MAP3K7: variants seen among roughly 807,000 people sequenced by gnomAD.
MAP3K7 encodes the protein mitogen-activated protein kinase kinase kinase 7, also known as TGF-beta activated kinase 1.
In MAP3K7, 21 loss-of-function variants were observed where a neutral mutation model predicts 84.8. The ratio of observed to expected loss-of-function variants is 0.25; its 90% CI spans 0.18 to 0.36. MAP3K7 has a LOEUF of 0.36. Ranked by LOEUF, MAP3K7 falls within the 10% of genes least tolerant of loss-of-function variation. The pLI is 1.00. For missense variants in MAP3K7, 503 were observed against 747.7 expected (o/e 0.67, Z 3.82); for synonymous variants, 241 against 247.7 (o/e 0.97, Z 0.25).
chr6:90,518,517 C>A lies in MAP3K7; in HGVS notation c.1570G>T (p.Glu524Ter). The change falls in exon 16 of 17, where the codon GAA (glutamate) becomes TAA (stop). Residue 524 changes from glutamate to a stop codon, truncating the protein, a stop_gained. Coordinates refer to ENST00000369329, the MANE Select transcript of MAP3K7 (RefSeq NM_145331.3). LOFTEE classifies it high-confidence loss of function. The stretch of plus-strand genomic sequence containing the variant: ...TCTTGTGCCATTTTACAATGCTGTT[C>A]AAACACTGCCATAGATTCTTTGGAG... ...PNSKESMAVF[E>*]QHCKMAQEYM... 1 of 1,609,474 alleles carries A rather than the reference C, an allele frequency of 6.2e-7. No homozygotes were observed. Among genetic ancestry groups the A allele is most frequent in the South Asian group, 1.1e-5 (1 of 90,518 alleles).
intron 3 of MAP3K7, among the ~76,000 whole-genome samples, chr6:90,564,015 T>C (rs1218914025): frequency 6.6e-6 from 1 of 152,108 alleles, no homozygotes; most frequent in East Asian, 1.9e-4. Context: ...GACAAACAAA[T>C]GCTGACAGAT....
Position 90,547,364 on chromosome 6 carries a change from C to T in MAP3K7, c.1104G>A (p.Leu368=). The stretch of plus-strand genomic sequence containing the variant: ...CCACACTGCTCCCACGGGAGGCTCC[C>T]AAGCTTAAACGTCCAGATTCACTCT... ...KQQSESGRLS[L]GASRGSSVES... is the part of the protein sequence containing the mutation. The change falls in exon 11 of 17, where the codon TTG becomes TTA. Residue 368 remains leucine (L), a synonymous_variant. Transcript: ENST00000369329. 6.2e-7 allele frequency: 1 copy of T among 1,611,690 alleles called. No individual in the cohort carries two copies. The highest frequency in any genetic ancestry group is 8.5e-7 in the Non-Finnish European group (1 of 1,179,152).
At chr6:90,565,982 A>T (rs1183459710) in intron 3 of MAP3K7, among the ~76,000 whole-genome samples, 1 of 152,242 alleles carries the variant, frequency 6.6e-6, no homozygotes, top group East Asian at 1.9e-4. Context: ...ATCTCAATAG[A>T]TGCAGAAAAG....
intron 14 of MAP3K7, among the ~76,000 whole-genome samples, chr6:90,522,120 C>T (rs1229696008): frequency 6.6e-6 from 1 of 152,122 alleles, no homozygotes; most frequent in African/African-American, 2.4e-5. Flanking sequence ...TATAGCCACA[C>T]ATGTGCAATA....
chr6:90,522,844 AC>A (rs1775195928), intron 14 of MAP3K7, among the ~76,000 whole-genome samples: 1 of 152,230 alleles, frequency 6.6e-6, no homozygotes. Flanking sequence ...TCTAATTGTT[AC>A]TATTAATAAC....
intron 13 of MAP3K7, among the ~76,000 whole-genome samples, chr6:90,530,061 C>T (rs1775457788): frequency 6.6e-6 from 1 of 152,166 alleles, no homozygotes. Context: ...CAAGTATAGA[C>T]ATTATGAAAT....
In MAP3K7 at chr6:90,546,638, A is replaced by G. The variant is rs578093266; in HGVS notation, c.1210+620T>C. Among the ~76,000 whole-genome samples, 6 of 152,318 alleles carry G rather than the reference A, an allele frequency of 3.9e-5. No individual in the cohort carries two copies. In the East Asian group the frequency reaches 1.2e-3, roughly 29 times the overall value. ...TGTCAGTTTACTTAAGTAACAAAAC[A>G]TGTAATTGTTTTTGTGCTGACCAGT... is the stretch of plus-strand genomic sequence containing the variant. On this transcript the variant is annotated intron_variant, in intron 11 of 16. Coordinates refer to ENST00000369329, the MANE Select transcript of MAP3K7 (RefSeq NM_145331.3).
chr6:90,526,549 A>G (rs1775328367), intron 13 of MAP3K7, among the ~76,000 whole-genome samples: 3 of 152,110 alleles, frequency 2.0e-5, no homozygotes, highest in African/African-American at 4.8e-5. Flanking sequence ...GGATGTGACT[A>G]TAAGAGCATT....
rs1163445663 is a variant in MAP3K7 at position 90,544,709 on chromosome 6, A to C, written c.1211-77T>G. The C allele has an allele frequency of 2.5e-6, 3 of 1,177,078 alleles. No individual in the cohort carries two copies. In the East Asian group the frequency reaches 7.1e-5, roughly 28 times the overall value. The allele number at this position is 1,177,078 out of a possible 1,614,324, so 72.9% of individuals were successfully genotyped here. ...ACGGAAAATGATTAACTACAAAAAT[A>C]GACTCATTTTCAAATAGTTCATGTT... On this transcript the variant is annotated intron_variant, in intron 11 of 16. Coordinates refer to ENST00000369329, the MANE Select transcript of MAP3K7 (RefSeq NM_145331.3).
At chr6:90,539,315 C>T (rs1233903280) in intron 12 of MAP3K7, among the ~76,000 whole-genome samples, 1 of 151,804 alleles carries the variant, frequency 6.6e-6, no homozygotes, top group African/African-American at 2.4e-5. Flanking sequence ...GCAGAAAGGC[C>T]ACCTAAATAT....
chr6:90,533,078 T>C (rs920312370), intron 13 of MAP3K7, among the ~76,000 whole-genome samples: 4 of 152,150 alleles, frequency 2.6e-5, no homozygotes, highest in African/African-American at 9.7e-5. Flanking sequence ...GGCTGCAAAT[T>C]AGGTGAAAAA....
chr6:90,573,930 T>C (rs1332762409), intron 1 of MAP3K7, among the ~76,000 whole-genome samples: 1 of 152,234 alleles, frequency 6.6e-6, no homozygotes, highest in African/African-American at 2.4e-5. Context: ...TCCTTCACAA[T>C]TCTCATCAGA....
At chr6:90,561,818 A>T (rs914629745) in intron 3 of MAP3K7, 151 bp from the exon 4 acceptor site, 2 of 616,144 alleles carry the variant, frequency 3.2e-6, no homozygotes, top group Non-Finnish European at 5.8e-6. Context: ...GGGAAGGAAA[A>T]GGTATCTATG....
intron 13 of MAP3K7, among the ~76,000 whole-genome samples, chr6:90,524,595 T>A (rs1408856461): frequency 6.6e-6 from 1 of 152,192 alleles, no homozygotes; most frequent in African/African-American, 2.4e-5. Flanking sequence ...AATAACATTC[T>A]TAGATGGGCA....
At chr6:90,584,541 TGA>T (rs1383396181) in intron 1 of MAP3K7, among the ~76,000 whole-genome samples, 1 of 151,968 alleles carries the variant, frequency 6.6e-6, no homozygotes, top group Non-Finnish European at 1.5e-5. Context: ...TTATCTAAAC[TGA>T]GAGAAGGGTC....
chr6:90,569,280 C>T (rs898329858), intron 2 of MAP3K7, among the ~76,000 whole-genome samples: 9 of 152,062 alleles, frequency 5.9e-5, no homozygotes, highest in Non-Finnish European at 8.8e-5. Context: ...TTCCATTTCT[C>T]ATTTCTTGAA....
At chr6:90,583,181 C>T (rs1350229249) in intron 1 of MAP3K7, among the ~76,000 whole-genome samples, 1 of 152,154 alleles carries the variant, frequency 6.6e-6, no homozygotes, top group Non-Finnish European at 1.5e-5. Context: ...CCGCACCAAG[C>T]CCTATTTATC....
chr6:90,583,776 A>AAGTG (rs1777355039), intron 1 of MAP3K7, among the ~76,000 whole-genome samples: 1 of 152,134 alleles, frequency 6.6e-6, no homozygotes, highest in Admixed American at 6.5e-5. Flanking sequence ...TTTCCACTAT[A>AAGTG]CTACCCTGTG....
At position 90,514,145 on chromosome 6, in the gene MAP3K7, T is replaced by G. The variant is rs959315286; in HGVS notation, c.*2356A>C. 5 of 152,174 alleles carry G rather than the reference T, an allele frequency of 3.3e-5. No homozygotes were observed. In the East Asian group the frequency reaches 9.6e-4, roughly 29 times the overall value. The allele number at this position is 152,174 out of a possible 1,614,324, so 9.4% of individuals were successfully genotyped here. ...CATTCCAGCCACTTGCTTGGCTGTT[T>G]GCAATTTTCACCCAAAAAACGGTCA... On this transcript the variant is annotated 3_prime_UTR_variant, in exon 17 of 17. Transcript: ENST00000369329.
Sources: gnomAD v4.1 joint callset for allele counts (sites outside exome capture counted in the v4.1 genomes callset) on GRCh38, gnomAD v4.1.1 for gene constraint, MANE v1.5 for transcripts, NCBI Gene and HGNC (gene_info 2026-07-23, HGNC 2026-07-21) for gene names.